GPHN: variants seen among roughly 807,000 people sequenced by gnomAD.
The protein encoded by GPHN is gephyrin.
GPHN carries 17 observed loss-of-function variants against 95.5 expected under a neutral mutation model. That is an observed-to-expected ratio of 0.18 (90% CI 0.12 to 0.27). The LOEUF is 0.27. Among genes scored for constraint, GPHN ranks in the 10% least tolerant of loss-of-function variants. GPHN has a pLI of 1.00. For missense variants in GPHN, 660 were observed against 978.1 expected, an observed-to-expected ratio of 0.67 and a Z score of 4.34; for synonymous variants, 320 against 322.5, an observed-to-expected ratio of 0.99 and a Z score of 0.08.
At chr14:67,109,182 A>G (rs909539908) in intron 13 of GPHN, among the ~76,000 whole-genome samples, 1 of 152,238 alleles carries the variant, frequency 6.6e-6, no homozygotes, top group African/African-American at 2.4e-5. Flanking sequence ...ACCATCATAT[A>G]TGCAGTCCAA....
chr14:66,866,101 A>G (rs2063211869), intron 4 of GPHN, among the ~76,000 whole-genome samples: 1 of 152,148 alleles, frequency 6.6e-6, no homozygotes, highest in Admixed American at 6.5e-5. Context: ...AGCTGCCCTA[A>G]TAAAGTCACT....
At chr14:67,417,581 AC>A in the GPHN span, among the ~76,000 whole-genome samples, 3 of 151,534 alleles carry the variant, frequency 2.0e-5, no homozygotes, top group African/African-American at 4.9e-5. Context: ...ATATGCATGC[AC>A]CAACACACTT....
chr14:66,879,820 A>T (rs1455737149), intron 4 of GPHN, 119 bp from the exon 5 acceptor site: 3 of 717,788 alleles, frequency 4.2e-6, no homozygotes, highest in Admixed American at 2.1e-5. Flanking sequence ...TGTTTCAGAA[A>T]CTAAAAGTAT....
At chr14:66,967,502 A>G (rs918500305) in intron 9 of GPHN, among the ~76,000 whole-genome samples, 2 of 151,848 alleles carry the variant, frequency 1.3e-5, no homozygotes, top group African/African-American at 4.8e-5. Context: ...TCCCTAATCC[A>G]AATGCTTGGG....
intron 4 of GPHN, among the ~76,000 whole-genome samples, chr14:66,845,827 G>GT (rs1387652665): frequency 6.9e-6 from 1 of 145,880 alleles, no homozygotes; most frequent in East Asian, 2.0e-4. Context: ...CTCTGTGTGT[G>GT]TGTGTGTGTG....
At chr14:67,731,458 G>A in the GPHN span, among the ~76,000 whole-genome samples, 1,302 of 151,168 alleles carry the variant, frequency 8.6e-3, 27 homozygotes, top group African/African-American at 0.03. Context: ...CAAGTGATCC[G>A]CCCACCTCAG....
At chr14:66,624,049 C>T (rs1001997962) in intron 1 of GPHN, among the ~76,000 whole-genome samples, 5 of 152,162 alleles carry the variant, frequency 3.3e-5, no homozygotes, top group African/African-American at 1.2e-4. Flanking sequence ...CCTTATCGTC[C>T]TTTTCCACTC....
chr14:66,805,174 G>T (rs2060498548), intron 3 of GPHN, among the ~76,000 whole-genome samples: 1 of 152,170 alleles, frequency 6.6e-6, no homozygotes, highest in African/African-American at 2.4e-5. Flanking sequence ...TACATGGATG[G>T]CGGCAGGCAA....
At chr14:67,218,794 G>A in the GPHN span, among the ~76,000 whole-genome samples, 2 of 151,906 alleles carry the variant, frequency 1.3e-5, no homozygotes, top group Non-Finnish European at 1.5e-5. Flanking sequence ...CTCATTTGAG[G>A]GTGTGTATGC....
the GPHN span, among the ~76,000 whole-genome samples, chr14:67,640,110 T>G: frequency 6.6e-6 from 1 of 152,074 alleles, no homozygotes; most frequent in African/African-American, 2.4e-5. Flanking sequence ...TTTTTGTCTT[T>G]TTTTAAAAAA....
At chr14:66,613,118 G>A (rs1281973575) in intron 1 of GPHN, among the ~76,000 whole-genome samples, 1 of 151,966 alleles carries the variant, frequency 6.6e-6, no homozygotes, top group African/African-American at 2.4e-5. Context: ...ATTGCTTCTA[G>A]GGGAAATATA....
At chr14:66,841,016 GATATAGATA>G (rs2062062553) in intron 4 of GPHN, among the ~76,000 whole-genome samples, 1 of 145,614 alleles carries the variant, frequency 6.9e-6, no homozygotes, top group Non-Finnish European at 1.5e-5. Flanking sequence ...TATAGATATA[GATATAGATA>G]TAGATATAGG....
intron 4 of GPHN, among the ~76,000 whole-genome samples, chr14:66,850,802 A>G (rs1049059337): frequency 6.6e-6 from 1 of 152,146 alleles, no homozygotes; most frequent in Non-Finnish European, 1.5e-5. Context: ...CTGCGGGTAC[A>G]TGGGTAGAAA....
intron 17 of GPHN, among the ~76,000 whole-genome samples, chr14:67,124,137 G>A (rs1225929738): frequency 6.6e-6 from 1 of 152,140 alleles, no homozygotes; most frequent in African/African-American, 2.4e-5. Flanking sequence ...CAGGAGTGGT[G>A]GCTCACACCT....
rs534196224 is a variant in GPHN, at chr14:66,698,846, C to T, written c.143+17661C>T. Among the ~76,000 whole-genome samples, 28 of 152,190 alleles carry T rather than the reference C, an allele frequency of 1.8e-4. No homozygotes were observed. In the South Asian group the frequency reaches 5.2e-3, roughly 28 times the overall value. On this transcript the variant is annotated intron_variant, in intron 2 of 22. Transcript: ENST00000478722. Reference sequence around the variant, plus strand: ...ACAAAACATTGGCCCTCCATATATGCGGGTTTTGCATTTCATTAATTTGAT... The same window carrying T: ...ACAAAACATTGGCCCTCCATATATGTGGGTTTTGCATTTCATTAATTTGAT...
chr14:66,651,216 G>C (rs1404570479), intron 1 of GPHN, among the ~76,000 whole-genome samples: 5 of 152,144 alleles, frequency 3.3e-5, no homozygotes, highest in Non-Finnish European at 7.4e-5. Flanking sequence ...GACACAGAAA[G>C]GGTCCCAAAA....
chr14:66,602,829 G>A (rs1200359749), intron 1 of GPHN, among the ~76,000 whole-genome samples: 1 of 151,798 alleles, frequency 6.6e-6, no homozygotes, highest in African/African-American at 2.4e-5. Flanking sequence ...GAATCACATA[G>A]TGTTCAACAA....
chr14:67,225,975 G>A, the GPHN span, among the ~76,000 whole-genome samples: 1 of 144,056 alleles, frequency 6.9e-6, no homozygotes, highest in Non-Finnish European at 1.5e-5. Flanking sequence ...GCGCGCGCGC[G>A]TGCGCATGCG....
intron 9 of GPHN, among the ~76,000 whole-genome samples, chr14:66,966,995 T>C (rs1429890196): frequency 6.6e-6 from 1 of 151,934 alleles, no homozygotes; most frequent in African/African-American, 2.4e-5. Context: ...TTAATTTGCT[T>C]ATTGCAGAAC....
Sources: allele counts gnomAD v4.1 joint callset (sites outside exome capture counted in the v4.1 genomes callset), GRCh38; gene constraint gnomAD v4.1.1; transcripts MANE v1.5; gene names NCBI Gene and HGNC (gene_info 2026-07-23, HGNC 2026-07-21).